The following CFDP1 variants were observed in gnomAD, a reference collection of about 807,000 sequenced individuals.
CFDP1 encodes the protein heterochromatin-stabilizing protein CFDP1.
In CFDP1, 31 loss-of-function variants were observed where a neutral mutation model predicts 40.1. The ratio of observed to expected loss-of-function variants is 0.77; its 90% confidence interval spans 0.58 to 1.04. The LOEUF (loss-of-function observed/expected upper bound fraction) is 1.04. Among genes scored for constraint, CFDP1 ranks in the 50% least tolerant of loss-of-function variants. The pLI is 0.00. For synonymous variants in CFDP1, 167 were observed against 120.0 expected (o/e 1.39, Z -2.56); for missense variants, 423 against 343.4 (o/e 1.23, Z -1.83).
At chr16:75,407,617 T>C (rs995592188) in intron 4 of CFDP1, among the ~76,000 whole-genome samples, 2 of 146,650 alleles carry the variant, frequency 1.4e-5, no homozygotes, top group African/African-American at 2.5e-5. Flanking sequence ...CGTAGGTTGG[T>C]TGAGGCTAGC....
chr16:75,333,935 C>T (rs967684127), intron 5 of CFDP1, among the ~76,000 whole-genome samples: 7 of 152,168 alleles, frequency 4.6e-5, no homozygotes, highest in East Asian at 1.9e-4. Context: ...TAGAGCAAGG[C>T]GTGAAGATGC....
chr16:75,416,464 T>TAA (rs147793433), intron 1 of CFDP1, among the ~76,000 whole-genome samples: 3 of 141,500 alleles, frequency 2.1e-5, no homozygotes, highest in African/African-American at 5.2e-5. Flanking sequence ...AAAAGAGATT[T>TAA]AAAAAAAAAA....
chr16:75,421,993 ATAG>A (rs1167609665), intron 1 of CFDP1, among the ~76,000 whole-genome samples: 1 of 152,262 alleles, frequency 6.6e-6, no homozygotes, highest in East Asian at 1.9e-4. Flanking sequence ...TGCTATATGA[ATAG>A]TTGTTATACT....
intron 5 of CFDP1, among the ~76,000 whole-genome samples, chr16:75,385,181 AT>A (rs995991727): frequency 6.6e-6 from 1 of 152,050 alleles, no homozygotes; most frequent in Non-Finnish European, 1.5e-5. Context: ...TGATTCAAAG[AT>A]ATTATTCCAG....
chr16:75,349,270 T>C (rs2078590977), intron 5 of CFDP1, among the ~76,000 whole-genome samples: 1 of 151,894 alleles, frequency 6.6e-6, no homozygotes, highest in African/African-American at 2.4e-5. Flanking sequence ...CAAGGCACTG[T>C]GGGAGGCCAA....
At chr16:75,328,684 A>ATT (rs546808850) in intron 5 of CFDP1, among the ~76,000 whole-genome samples, 2,055 of 143,414 alleles carry the variant, frequency 0.014, 44 homozygotes, top group African/African-American at 0.049. Flanking sequence ...AATAAGCATA[A>ATT]TTTTTTTTTT....
At chr16:75,411,181 T>A (rs1182109344) in intron 4 of CFDP1, among the ~76,000 whole-genome samples, 1 of 151,712 alleles carries the variant, frequency 6.6e-6, no homozygotes, top group Non-Finnish European at 1.5e-5. Flanking sequence ...TCGCACCCTG[T>A]ACTCCAGCCT....
At chr16:75,306,899 A>G (rs1285799451) in intron 5 of CFDP1, among the ~76,000 whole-genome samples, 2 of 145,650 alleles carry the variant, frequency 1.4e-5, no homozygotes, top group East Asian at 1.9e-4. Context: ...ACACACACAC[A>G]CACGCACACA....
At chr16:75,312,714 C>CCTCTCAG (rs1400630299) in intron 5 of CFDP1, among the ~76,000 whole-genome samples, 1 of 152,128 alleles carries the variant, frequency 6.6e-6, no homozygotes, top group Non-Finnish European at 1.5e-5. Flanking sequence ...TGTGTTTTGC[C>CCTCTCAG]CTGTTCTGGC....
chr16:75,418,451 C>T (rs1019272198), intron 1 of CFDP1, among the ~76,000 whole-genome samples: 3 of 151,484 alleles, frequency 2.0e-5, no homozygotes, highest in Non-Finnish European at 4.4e-5. Flanking sequence ...GGACTACAGG[C>T]GTGCACCACC....
chr16:75,376,658 G>A (rs972188001), intron 5 of CFDP1, among the ~76,000 whole-genome samples: 1 of 152,160 alleles, frequency 6.6e-6, no homozygotes, highest in South Asian at 2.1e-4. Context: ...CCTTATCTTG[G>A]ATAGTGGCTA....
chr16:75,408,588 CCA>C (rs1466159052), intron 4 of CFDP1, among the ~76,000 whole-genome samples: 2 of 151,850 alleles, frequency 1.3e-5, no homozygotes, highest in Non-Finnish European at 2.9e-5. Context: ...ACCAGCCTGG[CCA>C]AAATGGTGAA....
chr16:75,310,715 G>C (rs1333813986), intron 5 of CFDP1, among the ~76,000 whole-genome samples: 1 of 152,088 alleles, frequency 6.6e-6, no homozygotes, highest in African/African-American at 2.4e-5. Flanking sequence ...AGCAATGCCC[G>C]GGATCCTGCT....
chr16:75,326,421 A>C (rs2078401640), intron 5 of CFDP1, among the ~76,000 whole-genome samples: 1 of 152,226 alleles, frequency 6.6e-6, no homozygotes, highest in African/African-American at 2.4e-5. Context: ...AGAATCTGCC[A>C]GAAAGAATTA....
chr16:75,394,770 C>G (rs988427568), intron 5 of CFDP1: 1 of 159,476 alleles, frequency 6.3e-6, no homozygotes, highest in African/African-American at 2.5e-5. Context: ...CTCAAGGGAT[C>G]CTCCTGCCTC....
intron 5 of CFDP1, among the ~76,000 whole-genome samples, chr16:75,373,877 G>A (rs1216326256): frequency 6.6e-6 from 1 of 152,152 alleles, no homozygotes; most frequent in African/African-American, 2.4e-5. Context: ...TTCTAAACAT[G>A]AGGCAATCTT....
chr16:75,379,419 G>C (rs1293367115), intron 5 of CFDP1, among the ~76,000 whole-genome samples: 2 of 151,674 alleles, frequency 1.3e-5, no homozygotes, highest in Non-Finnish European at 2.9e-5. Flanking sequence ...GTATCAAAAG[G>C]ATAAGAGAAT....
At chr16:75,427,645 TTG>T (rs2079356349) in intron 1 of CFDP1, among the ~76,000 whole-genome samples, 1 of 152,196 alleles carries the variant, frequency 6.6e-6, no homozygotes, top group Non-Finnish European at 1.5e-5. Flanking sequence ...ACTCTCAAAC[TTG>T]TTACCAACAG....
chr16:75,319,909 G>A (rs1597328753), intron 5 of CFDP1, among the ~76,000 whole-genome samples: 2 of 152,320 alleles, frequency 1.3e-5, no homozygotes, highest in East Asian at 1.9e-4. Context: ...TCGTTTCCAC[G>A]TAGTTTGATA....
Sources: gnomAD v4.1 joint callset for allele counts (sites outside exome capture counted in the v4.1 genomes callset) on GRCh38, gnomAD v4.1.1 for gene constraint, MANE v1.5 for transcripts, NCBI Gene and HGNC (gene_info 2026-07-23, HGNC 2026-07-21) for gene names.